NLGN1: variants seen among roughly 807,000 people sequenced by gnomAD.
The protein encoded by NLGN1 is neuroligin-1.
A neutral mutation model predicts 65.5 loss-of-function variants in NLGN1; 12 were observed. The observed-to-expected ratio is 0.18, with a 90% CI of 0.12 to 0.30. The LOEUF (loss-of-function observed/expected upper bound fraction) is 0.30, where lower values mean the gene tolerates loss of function less well. Among genes scored for constraint, NLGN1 ranks in the 10% least tolerant of loss-of-function variants. The pLI is 1.00. For synonymous variants in NLGN1, 350 were observed against 359.5 expected (o/e 0.97, Z 0.30); for missense variants, 750 against 1,007.1 (o/e 0.74, Z 3.46).
intron 4 of NLGN1, among the ~76,000 whole-genome samples, chr3:174,104,107 C>A (rs1713173443): frequency 6.6e-6 from 1 of 152,042 alleles, no homozygotes; most frequent in South Asian, 2.1e-4. Flanking sequence ...AGTAGCTTCT[C>A]TTTTCTCCTT....
chr3:174,236,650 T>C (rs1741773105), intron 4 of NLGN1, among the ~76,000 whole-genome samples: 2 of 152,124 alleles, frequency 1.3e-5, no homozygotes, highest in African/African-American at 4.8e-5. Context: ...CATTCATTGA[T>C]TTTTACATGT....
intron 2 of NLGN1, among the ~76,000 whole-genome samples, chr3:173,496,496 A>T (rs924192699): frequency 1.3e-5 from 2 of 151,964 alleles, no homozygotes; most frequent in Non-Finnish European, 2.9e-5. Context: ...TTCAATTCAT[A>T]AATGTTTTTA....
At chr3:174,065,001 G>A (rs563326226) in intron 4 of NLGN1, among the ~76,000 whole-genome samples, 56 of 151,522 alleles carry the variant, frequency 3.7e-4, no homozygotes, top group Admixed American at 2.6e-3. Context: ...TCAATGAGGT[G>A]TCAAGTATTT....
chr3:173,718,674 G>A (rs1013203312), intron 3 of NLGN1, among the ~76,000 whole-genome samples: 2 of 152,116 alleles, frequency 1.3e-5, no homozygotes, highest in African/African-American at 4.8e-5. Context: ...ACAAATTCTG[G>A]TTATGAATAT....
intron 4 of NLGN1, among the ~76,000 whole-genome samples, chr3:173,892,495 C>T (rs541067473): frequency 1.5e-4 from 22 of 150,118 alleles, no homozygotes; most frequent in Non-Finnish European, 2.2e-4. Flanking sequence ...GATGAGAAAA[C>T]TGAGTCTCAG....
chr3:173,709,911 T>C (rs995489445), intron 3 of NLGN1, among the ~76,000 whole-genome samples: 5 of 152,084 alleles, frequency 3.3e-5, no homozygotes, highest in Admixed American at 1.3e-4. Flanking sequence ...AAACTTGGTG[T>C]ATGCTTTTCA....
intron 2 of NLGN1, among the ~76,000 whole-genome samples, chr3:173,519,275 T>G (rs1734366663): frequency 6.6e-6 from 1 of 152,052 alleles, no homozygotes; most frequent in Non-Finnish European, 1.5e-5. Context: ...GGCAGCATGG[T>G]GGGGAAATGT....
At chr3:174,069,422 A>G (rs541678329) in intron 4 of NLGN1, among the ~76,000 whole-genome samples, 1 of 152,316 alleles carries the variant, frequency 6.6e-6, no homozygotes, top group East Asian at 1.9e-4. Flanking sequence ...AAGGAGACCA[A>G]TTAGAAGGAT....
At chr3:173,829,410 T>C (rs1025000158) in intron 4 of NLGN1, among the ~76,000 whole-genome samples, 3 of 152,168 alleles carry the variant, frequency 2.0e-5, no homozygotes, top group African/African-American at 4.8e-5. Flanking sequence ...CTTTAAAATA[T>C]TTAATTGATA....
At chr3:173,627,440 C>T (rs1319363875) in intron 3 of NLGN1, among the ~76,000 whole-genome samples, 1 of 151,936 alleles carries the variant, frequency 6.6e-6, no homozygotes, top group Non-Finnish European at 1.5e-5. Flanking sequence ...CCATGTGTTT[C>T]TCAATGCACA....
chr3:173,797,764 T>C (rs1263171507), intron 3 of NLGN1, among the ~76,000 whole-genome samples: 1 of 149,824 alleles, frequency 6.7e-6, no homozygotes, highest in East Asian at 2.0e-4. Context: ...ATGGAAAAAC[T>C]CTCTGTATAT....
chr3:174,132,418 A>T (rs1484449625), intron 4 of NLGN1, among the ~76,000 whole-genome samples: 2 of 152,138 alleles, frequency 1.3e-5, no homozygotes, highest in African/African-American at 4.8e-5. Flanking sequence ...TTTTAATAGG[A>T]TATTGAAAAT....
At chr3:173,776,385 A>G (rs1238517302) in intron 3 of NLGN1, among the ~76,000 whole-genome samples, 1 of 152,014 alleles carries the variant, frequency 6.6e-6, no homozygotes, top group Non-Finnish European at 1.5e-5. Flanking sequence ...GTTTAAAATT[A>G]TTGTTGCAGC....
chr3:174,267,752 T>G (rs1748557546), intron 4 of NLGN1, among the ~76,000 whole-genome samples: 1 of 152,184 alleles, frequency 6.6e-6, no homozygotes, highest in South Asian at 2.1e-4. Flanking sequence ...CACATAGACC[T>G]CTTTCATTTG....
intron 2 of NLGN1, among the ~76,000 whole-genome samples, chr3:173,592,268 C>A (rs1748636229): frequency 6.6e-6 from 1 of 151,940 alleles, no homozygotes; most frequent in Admixed American, 6.6e-5. Flanking sequence ...TTTCAGCCCT[C>A]CTCTTCAGAA....
chr3:173,643,821 A>T (rs945251063), intron 3 of NLGN1, among the ~76,000 whole-genome samples: 2 of 152,192 alleles, frequency 1.3e-5, no homozygotes, highest in African/African-American at 4.8e-5. Flanking sequence ...TGATCCTGCC[A>T]CTTCAGCTTC....
intron 1 of NLGN1, among the ~76,000 whole-genome samples, chr3:173,418,260 ATAATT>A (rs1417984394): frequency 1.3e-5 from 2 of 151,692 alleles, no homozygotes; most frequent in Non-Finnish European, 2.9e-5. Context: ...ATTGTATACT[ATAATT>A]TAACAATTTA....
intron 4 of NLGN1, among the ~76,000 whole-genome samples, chr3:173,871,353 C>T (rs944688657): frequency 6.6e-6 from 1 of 152,002 alleles, no homozygotes; most frequent in African/African-American, 2.4e-5. Context: ...TCAAAAAAGA[C>T]AAATACAATC....
chr3:173,531,429 A>G (rs1736549735), intron 2 of NLGN1, among the ~76,000 whole-genome samples: 2 of 152,066 alleles, frequency 1.3e-5, no homozygotes, highest in South Asian at 4.1e-4. Context: ...ATGATATTCA[A>G]TTTTTAGAAA....
Sources: allele counts gnomAD v4.1 joint callset (sites outside exome capture counted in the v4.1 genomes callset), GRCh38; gene constraint gnomAD v4.1.1; transcripts MANE v1.5; gene names NCBI Gene and HGNC (gene_info 2026-07-23, HGNC 2026-07-21).